The following ZNF732 variants were observed in gnomAD, a reference collection of about 807,000 sequenced individuals.
ZNF732 encodes zinc finger protein LOC654254.
ZNF732 carries 12 observed loss-of-function variants against 11.5 expected under a neutral mutation model. That is an observed-to-expected ratio of 1.05 (90% CI 0.67 to 1.70). The LOEUF is 1.70. ZNF732 is among the 40% of genes most tolerant of loss of function. The pLI is 0.00. For missense variants in ZNF732, 702 were observed against 676.9 expected, an observed-to-expected ratio of 1.04 and a Z score of -0.41; for synonymous variants, 231 against 236.5, an observed-to-expected ratio of 0.98 and a Z score of 0.21.
At chr4:304,711 C>T (rs1321828236) in intron 1 of ZNF732, among the ~76,000 whole-genome samples, 4 of 152,236 alleles carry the variant, frequency 2.6e-5, no homozygotes, top group Non-Finnish European at 4.4e-5. Context: ...GCGCTGTGCG[C>T]GCCCACACCA....
At chr4:280,044 CAG>C (rs1719584575) in intron 3 of ZNF732, among the ~76,000 whole-genome samples, 1 of 151,692 alleles carries the variant, frequency 6.6e-6, no homozygotes, top group African/African-American at 2.4e-5. Context: ...ATAAAAGGTA[CAG>C]AGTTGAAAAT....
intron 1 of ZNF732, among the ~76,000 whole-genome samples, chr4:302,127 C>T (rs1720130467): frequency 6.6e-6 from 1 of 152,194 alleles, no homozygotes; most frequent in Non-Finnish European, 1.5e-5. Context: ...GAGCACTTTG[C>T]TGCACTTTGT....
chr4:280,331 C>T (rs56217474), intron 3 of ZNF732, among the ~76,000 whole-genome samples: 8,742 of 148,768 alleles, frequency 0.059, 409 homozygotes, highest in African/African-American at 0.13. Flanking sequence ...GTGGCTCACA[C>T]CTGTAATCCC....
At chr4:299,659 T>A (rs1452592836) in intron 1 of ZNF732, among the ~76,000 whole-genome samples, 2 of 121,878 alleles carry the variant, frequency 1.6e-5, no homozygotes, top group African/African-American at 7.4e-5. Flanking sequence ...ATATGTAAAT[T>A]ATATATATAA....
intron 3 of ZNF732, among the ~76,000 whole-genome samples, chr4:273,436 T>A (rs1719430972): frequency 6.6e-6 from 1 of 151,920 alleles, no homozygotes; most frequent in African/African-American, 2.4e-5. Flanking sequence ...CAATTTAAAA[T>A]TTTTCAGAAA....
At chr4:299,200 A>G (rs1426099607) in intron 1 of ZNF732, among the ~76,000 whole-genome samples, 1 of 151,824 alleles carries the variant, frequency 6.6e-6, no homozygotes, top group African/African-American at 2.4e-5. Context: ...GGCTCCTTCA[A>G]CACATTCTAA....
intron 3 of ZNF732, among the ~76,000 whole-genome samples, chr4:284,073 G>C (rs1237641027): frequency 1.3e-5 from 2 of 151,962 alleles, no homozygotes; most frequent in Non-Finnish European, 2.9e-5. Context: ...ACCACGCCCG[G>C]CTAATTTTTT....
chr4:292,890 CAAAAAAAAAAAAAAAA>C (rs34118991), intron 3 of ZNF732, among the ~76,000 whole-genome samples: 1 of 79,412 alleles, frequency 1.3e-5, no homozygotes, highest in East Asian at 3.9e-4. Flanking sequence ...ACTAAAAACA[CAAAAAAAAAAAAAAAA>C]AAAAAAAAAA....
chr4:305,289 GCCCTGCC>G lies in ZNF732; in HGVS notation c.3+12_3+18del. The G allele has an allele frequency of 6.2e-7, 1 of 1,605,676 alleles. No homozygotes were observed. Among genetic ancestry groups the G allele is most frequent in the Non-Finnish European group, 8.5e-7 (1 of 1,179,154 alleles). On this transcript the variant is annotated intron_variant, in intron 1 of 3. Coordinates refer to ENST00000419098, the MANE Select transcript of ZNF732 (RefSeq NM_001137608.3). ...GATGAGGCCTCCCCAGCCTTGGGACGCCCTGCCCCCACACTCACCATTTCCCCACTTC... is the reference window on the plus strand; with the variant it reads ...GATGAGGCCTCCCCAGCCTTGGGACGCCCACACTCACCATTTCCCCACTTC...
chr4:303,472 C>T (rs1246974180), intron 1 of ZNF732, among the ~76,000 whole-genome samples: 7 of 152,260 alleles, frequency 4.6e-5, no homozygotes, highest in Middle Eastern at 3.4e-3. Context: ...GAAAAATTAG[C>T]TGGGCGTGGT....
rs147717916 is a variant in ZNF732 at position 299,292 on chromosome 4, C to T, written c.4-3137G>A. Among the ~76,000 whole-genome samples the T allele has an allele frequency of 2.9e-3, 434 of 150,364 alleles. 4 individuals are homozygous for T. The highest frequency in any genetic ancestry group is 0.01 in the African/African-American group (414 of 40,850). Reference sequence around the variant, plus strand: ...TGGGCCAAAACTTGAAGATGCAACACTGGAATATAAAGGTGCCCTGAATAT... The same window carrying T: ...TGGGCCAAAACTTGAAGATGCAACATTGGAATATAAAGGTGCCCTGAATAT... On this transcript the variant is annotated intron_variant, in intron 1 of 3. Transcript: ENST00000419098.
intron 3 of ZNF732, among the ~76,000 whole-genome samples, chr4:295,204 A>G (rs1719921341): frequency 6.6e-6 from 1 of 152,250 alleles, no homozygotes; most frequent in South Asian, 2.1e-4. Context: ...GATAAAGTGG[A>G]CATTGGCTCT....
chr4:277,712 CA>C (rs1418088768), intron 3 of ZNF732, among the ~76,000 whole-genome samples: 1 of 151,934 alleles, frequency 6.6e-6, no homozygotes, highest in East Asian at 1.9e-4. Flanking sequence ...TATATTTAAA[CA>C]ATCAACAAAT....
intron 3 of ZNF732, among the ~76,000 whole-genome samples, chr4:290,362 C>T (rs149910469): frequency 6.6e-6 from 1 of 152,344 alleles, no homozygotes; most frequent in African/African-American, 2.4e-5. Flanking sequence ...CAAATTCAAT[C>T]TCAGCTATAG....
At chr4:297,489 A>G (rs1719977447) in intron 1 of ZNF732, among the ~76,000 whole-genome samples, 2 of 151,842 alleles carry the variant, frequency 1.3e-5, no homozygotes, top group African/African-American at 2.4e-5. Context: ...TTTTCCTACA[A>G]TTGATTTGTT....
At chr4:304,029 G>T (rs1167137073) in intron 1 of ZNF732, among the ~76,000 whole-genome samples, 1 of 152,174 alleles carries the variant, frequency 6.6e-6, no homozygotes. Context: ...AAGCCTGGGT[G>T]GGGGAAGGAA....
intron 2 of ZNF732, 115 bp downstream of exon 2, chr4:295,914 A>T: frequency 7.7e-7 from 1 of 1,300,984 alleles, no homozygotes; most frequent in Non-Finnish European, 1.0e-6. Context: ...CAGTTTCTTG[A>T]AGAAAGAAAC....
chr4:288,257 T>C (rs6826459), intron 3 of ZNF732, among the ~76,000 whole-genome samples: 8,951 of 152,282 alleles, frequency 0.059, 435 homozygotes, highest in African/African-American at 0.13. Flanking sequence ...TGTAGTCTCA[T>C]TTTTCTGTGG....
chr4:299,401 G>GTACACATA lies in ZNF732; in HGVS notation c.4-3247_4-3246insTATGTGTA, dbSNP rs1560165074. 2.3e-3 allele frequency among the ~76,000 whole-genome samples: 92 copies of GTACACATA among 39,280 alleles called. 2 individuals carry two copies. Among genetic ancestry groups the GTACACATA allele is most frequent in the Middle Eastern group, 0.016 (1 of 64 alleles). 25.8% of individuals were successfully genotyped at this position (39,280 alleles called of 152,430 possible). A position where few individuals can be genotyped will look rare whatever the true frequency, so the allele number is the denominator to read the frequency against. Reference sequence around the variant, plus strand: ...TATATATACACATATGTACACATATGTGTATATATATATACACATATATAC... The same window carrying GTACACATA: ...TATATATACACATATGTACACATATGTACACATATGTATATATATATACACATATATAC... On this transcript the variant is annotated intron_variant, in intron 1 of 3. Coordinates refer to ENST00000419098, the MANE Select transcript of ZNF732 (RefSeq NM_001137608.3).
Sources: allele counts gnomAD v4.1 joint callset (sites outside exome capture counted in the v4.1 genomes callset), GRCh38; gene constraint gnomAD v4.1.1; transcripts MANE v1.5; gene names NCBI Gene and HGNC (gene_info 2026-07-23, HGNC 2026-07-21).